TMEM131L: variants seen among roughly 807,000 people sequenced by gnomAD.
TMEM131L encodes transmembrane 131 like, also known as transmembrane protein 131-like.
TMEM131L carries 54 observed loss-of-function variants against 192.2 expected under a neutral mutation model. That is an observed-to-expected ratio of 0.28 (90% CI 0.23 to 0.35). The LOEUF (loss-of-function observed/expected upper bound fraction) is 0.35, where lower values mean the gene tolerates loss of function less well. TMEM131L is among the 10% of genes least tolerant of loss of function. TMEM131L has a pLI of 1.00. For synonymous variants in TMEM131L, 701 were observed against 704.9 expected, an observed-to-expected ratio of 0.99 and a Z score of 0.09; for missense variants, 1,888 against 1,972.9, an observed-to-expected ratio of 0.96 and a Z score of 0.82.
chr4:153,545,868 C>T (rs1298063464), intron 3 of TMEM131L, among the ~76,000 whole-genome samples: 1 of 152,020 alleles, frequency 6.6e-6, no homozygotes, highest in Non-Finnish European at 1.5e-5. Context: ...GCCTTTATTT[C>T]TTATCCTCGT....
At chr4:153,599,278 C>G (rs1048889613) in intron 21 of TMEM131L, among the ~76,000 whole-genome samples, 4 of 152,208 alleles carry the variant, frequency 2.6e-5, no homozygotes, top group South Asian at 2.1e-4. Flanking sequence ...GACAGCATTG[C>G]GGGAGTCGGG....
In TMEM131L at chr4:153,581,404, T is replaced by C. The variant is rs1730333929; in HGVS notation, c.739-3T>C. Reference sequence around the variant, plus strand: ...CCTTTTTTCCTCCTCCTTCCAACCATAGGGTTGTTATCTGGAATCTGATGA... The same window carrying C: ...CCTTTTTTCCTCCTCCTTCCAACCACAGGGTTGTTATCTGGAATCTGATGA... On this transcript the variant is annotated splice_region_variant and splice_polypyrimidine_tract_variant and intron_variant, in intron 8 of 34. Coordinates refer to ENST00000409959, the MANE Select transcript of TMEM131L (RefSeq NM_001131007.2). 1.3e-6 allele frequency: 2 copies of C among 1,539,522 alleles called. No individual in the cohort carries two copies. Among genetic ancestry groups the C allele is most frequent in the Non-Finnish European group, 1.8e-6 (2 of 1,140,298 alleles).
Position 153,585,597 on chromosome 4 carries a change from A to C in TMEM131L, c.1297A>C (p.Lys433Gln). The change falls in exon 13 of 35, where the codon AAG (lysine) becomes CAG (glutamine). Residue 433 changes from lysine (K) to glutamine (Q), a missense_variant. By Grantham distance (53) the Lys-to-Gln change is moderately conservative (BLOSUM62 1). Transcript: ENST00000409959. ...LNDVFLSKET[K>Q]HMLKILNFTG... ...TGATGTGTTTCTTTCCAAGGAGACC[A>C]AGCACATGTTAAAGGTACATATAGT... The C allele has an allele frequency of 1.2e-6, 2 of 1,613,408 alleles. No homozygotes were observed. The highest frequency in any genetic ancestry group is 2.7e-5 in the African/African-American group (2 of 75,036).
chr4:153,537,982 C>T (rs1418620925), intron 3 of TMEM131L, among the ~76,000 whole-genome samples: 3 of 152,200 alleles, frequency 2.0e-5, no homozygotes. Context: ...TGCAGTTTCA[C>T]ACAACACTGA....
chr4:153,467,184 G>A (rs568948577), intron 1 of TMEM131L, 27 bp from the exon 2 acceptor site: 2 of 1,550,158 alleles, frequency 1.3e-6, no homozygotes, highest in Non-Finnish European at 1.7e-6. Context: ...CATTAAAAAC[G>A]TGGTGTATTT....
intron 7 of TMEM131L, among the ~76,000 whole-genome samples, chr4:153,573,897 T>C (rs1361233010): frequency 2.0e-5 from 3 of 152,224 alleles, no homozygotes; most frequent in Non-Finnish European, 4.4e-5. Context: ...TTGTGGAATT[T>C]TATTAAATAA....
At chr4:153,583,352 A>G (rs1169761546) in intron 10 of TMEM131L, 104 bp downstream of exon 10, 6 of 798,052 alleles carry the variant, frequency 7.5e-6, no homozygotes, top group Non-Finnish European at 2.2e-6. Context: ...CACTATCTTT[A>G]TTCTTTTTTG....
intron 20 of TMEM131L, among the ~76,000 whole-genome samples, chr4:153,597,446 A>G (rs1357818311): frequency 6.6e-6 from 1 of 152,188 alleles, no homozygotes; most frequent in Non-Finnish European, 1.5e-5. Flanking sequence ...TCTGTCCTGT[A>G]AATAACATCA....
intron 3 of TMEM131L, among the ~76,000 whole-genome samples, chr4:153,483,425 G>A (rs1206569689): frequency 2.7e-5 from 4 of 149,046 alleles, no homozygotes; most frequent in Non-Finnish European, 5.9e-5. Context: ...TAGGAGGCTG[G>A]GTGTGGTGGC....
rs1400885033 is a variant in TMEM131L at position 153,557,066 on chromosome 4, G to C, written c.533G>C (p.Gly178Ala). ...TTATTTATTAATACCTCTTCGTATG[G>C]AGTCCTTTCCTATCATGTGAGTAAC... Reference protein sequence around the residue: ...SSLFINTSSYGVLSYHVSGIG... With the variant: ...SSLFINTSSYAVLSYHVSGIG... The change falls in exon 6 of 35, where the codon GGA becomes GCA. Residue 178 changes from glycine (G) to alanine (A), a missense_variant. By Grantham distance (60) the Gly-to-Ala change is moderately conservative (BLOSUM62 0). Transcript: ENST00000409959. 1.2e-5 allele frequency: 18 copies of C among 1,505,712 alleles called. No homozygotes were observed. The highest frequency in any genetic ancestry group is 1.6e-5 in the Non-Finnish European group (17 of 1,083,790). The allele number at this position is 1,505,712 out of a possible 1,614,324, so 93.3% of individuals were successfully genotyped here. A position where few individuals can be genotyped will look rare whatever the true frequency, so the allele number is the denominator to read the frequency against.
At chr4:153,588,813 A>G in intron 15 of TMEM131L, 77 bp from the exon 16 acceptor site, 1 of 783,876 alleles carries the variant, frequency 1.3e-6, no homozygotes, top group Non-Finnish European at 2.2e-6. Context: ...GAAGTTTAAT[A>G]TTAAGCCCTT....
intron 7 of TMEM131L, among the ~76,000 whole-genome samples, chr4:153,574,940 G>A (rs966351775): frequency 3.3e-5 from 5 of 152,110 alleles, no homozygotes; most frequent in African/African-American, 1.2e-4. Context: ...ATTGTGAAAG[G>A]GGAGAAAGAT....
At chr4:153,598,919 C>A (rs17030216) in intron 21 of TMEM131L, among the ~76,000 whole-genome samples, 187 bp downstream of exon 21, 12,873 of 152,034 alleles carry the variant, frequency 0.085, 1,775 homozygotes, top group African/African-American at 0.29. Context: ...GCTGGTACCC[C>A]TGGATTAGAG....
At chr4:153,562,386 T>G (rs1440320016) in intron 7 of TMEM131L, among the ~76,000 whole-genome samples, 2 of 152,174 alleles carry the variant, frequency 1.3e-5, no homozygotes, top group Non-Finnish European at 2.9e-5. Context: ...CTTAAAAAAT[T>G]TAAACCTAAG....
At chr4:153,504,862 G>T (rs1438277993) in intron 3 of TMEM131L, among the ~76,000 whole-genome samples, 5 of 152,168 alleles carry the variant, frequency 3.3e-5, no homozygotes, top group African/African-American at 9.7e-5. Flanking sequence ...AAGGATGGAT[G>T]CATTCACTTG....
At chr4:153,517,277 G>A (rs140434612) in intron 3 of TMEM131L, among the ~76,000 whole-genome samples, 14 of 152,182 alleles carry the variant, frequency 9.2e-5, no homozygotes, top group Non-Finnish European at 1.9e-4. Context: ...TTCCTGTGCC[G>A]CCTCCAGACC....
chr4:153,475,500 G>A (rs1185367709), intron 3 of TMEM131L, among the ~76,000 whole-genome samples: 1 of 152,114 alleles, frequency 6.6e-6, no homozygotes, highest in Non-Finnish European at 1.5e-5. Context: ...TCAACCAGTT[G>A]GGGGGAAAAT....
chr4:153,570,197 G>C (rs931028938), intron 7 of TMEM131L, among the ~76,000 whole-genome samples: 1 of 152,088 alleles, frequency 6.6e-6, no homozygotes, highest in African/African-American at 2.4e-5. Flanking sequence ...TTAATGAAAC[G>C]CACAAGAATA....
chr4:153,485,119 AT>A (rs917277713), intron 3 of TMEM131L, among the ~76,000 whole-genome samples: 3 of 136,026 alleles, frequency 2.2e-5, no homozygotes, highest in Admixed American at 8.0e-5. Context: ...ACTCTGTCTC[AT>A]TAAAAAAAAA....
Sources: gnomAD v4.1 joint callset for allele counts (sites outside exome capture counted in the v4.1 genomes callset) on GRCh38, gnomAD v4.1.1 for gene constraint, MANE v1.5 for transcripts, NCBI Gene and HGNC (gene_info 2026-07-23, HGNC 2026-07-21) for gene names.